WWOX: variants seen among roughly 807,000 people sequenced by gnomAD.
The protein encoded by WWOX is WW domain containing oxidoreductase.
Under a neutral mutation model 46.2 loss-of-function variants are expected in WWOX, and 69 were observed. The ratio of observed to expected loss-of-function variants is 1.49; its 90% CI spans 1.23 to 1.82. The LOEUF is 1.82. Among genes scored for constraint, WWOX ranks in the 40% most tolerant of loss-of-function variants. The probability of loss-of-function intolerance (pLI) is 0.00; values close to 1 mark genes in which losing one functional copy is unlikely to be tolerated. For missense variants in WWOX, 919 were observed against 542.6 expected (o/e 1.69, Z -6.89); for synonymous variants, 359 against 202.6 (o/e 1.77, Z -6.56).
At chr16:78,109,723 G>T in intron 2 of WWOX, 55 bp from the exon 3 acceptor site, 2 of 1,600,328 alleles carry the variant, frequency 1.2e-6, no homozygotes, top group Non-Finnish European at 1.7e-6. Flanking sequence ...TCCTGACCCA[G>T]GGATGGTCTT....
At chr16:78,801,974 C>G (rs942860855) in intron 8 of WWOX, among the ~76,000 whole-genome samples, 1 of 152,018 alleles carries the variant, frequency 6.6e-6, no homozygotes, top group African/African-American at 2.4e-5. Context: ...ATCTGCCTTG[C>G]AGAGAATTAA....
chr16:78,980,260 G>C (rs1258777246), intron 8 of WWOX, among the ~76,000 whole-genome samples: 1 of 152,170 alleles, frequency 6.6e-6, no homozygotes, highest in Non-Finnish European at 1.5e-5. Flanking sequence ...GGCTGTGTGA[G>C]CTCCATTTGA....
intron 8 of WWOX, among the ~76,000 whole-genome samples, chr16:79,052,450 A>G (rs1013833091): frequency 6.6e-6 from 1 of 152,240 alleles, no homozygotes. Context: ...CCAAAGGACT[A>G]TAAATCTTTC....
intron 8 of WWOX, among the ~76,000 whole-genome samples, chr16:78,997,633 G>A (rs1031986661): frequency 6.6e-6 from 1 of 152,008 alleles, no homozygotes; most frequent in African/African-American, 2.4e-5. Flanking sequence ...TGGTGAATTT[G>A]CACTAGTATT....
At chr16:78,983,617 C>G (rs971485734) in intron 8 of WWOX, among the ~76,000 whole-genome samples, 2 of 152,122 alleles carry the variant, frequency 1.3e-5, no homozygotes, top group South Asian at 2.1e-4. Context: ...TCTAGACTCT[C>G]CTGGTGTTAG....
At chr16:78,426,121 A>T (rs1165202661) in intron 7 of WWOX, among the ~76,000 whole-genome samples, 1 of 152,188 alleles carries the variant, frequency 6.6e-6, no homozygotes, top group African/African-American at 2.4e-5. Flanking sequence ...GCCAGTAATA[A>T]TCCTCCCCCG....
At chr16:78,858,070 T>G (rs1161986297) in intron 8 of WWOX, among the ~76,000 whole-genome samples, 1 of 152,028 alleles carries the variant, frequency 6.6e-6, no homozygotes, top group Admixed American at 6.6e-5. Flanking sequence ...TTCCAAAGTT[T>G]TAAATACTCT....
At chr16:79,060,726 C>G (rs368009259) in intron 8 of WWOX, among the ~76,000 whole-genome samples, 26 of 152,340 alleles carry the variant, frequency 1.7e-4, no homozygotes, top group Admixed American at 7.8e-4. Flanking sequence ...GCCATTGTCA[C>G]TGTATGGAGA....
intron 8 of WWOX, among the ~76,000 whole-genome samples, chr16:78,433,812 C>T (rs1486056924): frequency 2.1e-5 from 2 of 96,268 alleles, no homozygotes; most frequent in East Asian, 3.5e-4. Context: ...TTTTTTGAGA[C>T]GGAGTCTCGC....
rs376138617 is a variant in WWOX at position 78,679,555 on chromosome 16, C to T, written c.1056+246803C>T. Among the ~76,000 whole-genome samples the T allele has an allele frequency of 2.0e-5, 3 of 151,926 alleles. No homozygotes were observed. The South Asian group carries it at 6.2e-4, about 32-fold the overall frequency. On this transcript the variant is annotated intron_variant, in intron 8 of 8. Transcript: ENST00000566780. ...GACAGAGTGAGACTCCATCTCAAAACATAAGTAAATAAATAAAAAATAAAT... is the reference window on the plus strand; with the variant it reads ...GACAGAGTGAGACTCCATCTCAAAATATAAGTAAATAAATAAAAAATAAAT...
intron 8 of WWOX, among the ~76,000 whole-genome samples, chr16:78,790,013 A>G (rs370786892): frequency 7.3e-4 from 111 of 152,300 alleles, no homozygotes; most frequent in African/African-American, 2.5e-3. Flanking sequence ...TTCTTTCCTT[A>G]TTGGACACTC....
rs575725257 is a variant in WWOX at position 78,588,315 on chromosome 16, C to T, written c.1056+155563C>T. ...GTTTTGGGTGCGGATAATGGATAAT[C>T]TGGCTATTGCATTTAATTCCCAGCC... On this transcript the variant is annotated intron_variant, in intron 8 of 8. Transcript: ENST00000566780. 1.1e-4 allele frequency among the ~76,000 whole-genome samples: 16 copies of T among 152,278 alleles called. No individual in the cohort carries two copies. The South Asian group carries it at 3.3e-3, about 32-fold the overall frequency.
intron 8 of WWOX, among the ~76,000 whole-genome samples, chr16:78,695,252 A>G (rs1035322772): frequency 6.6e-6 from 1 of 152,094 alleles, no homozygotes; most frequent in African/African-American, 2.4e-5. Context: ...TATTGTGTTT[A>G]CATCCACAGG....
At chr16:78,654,376 T>C (rs1436935246) in intron 8 of WWOX, among the ~76,000 whole-genome samples, 3 of 152,220 alleles carry the variant, frequency 2.0e-5, no homozygotes, top group Non-Finnish European at 2.9e-5. Flanking sequence ...ACACCAGCGG[T>C]ATTTATGGTA....
chr16:78,442,823 G>T (rs2083473816), intron 8 of WWOX, among the ~76,000 whole-genome samples: 1 of 151,528 alleles, frequency 6.6e-6, no homozygotes, highest in South Asian at 2.1e-4. Flanking sequence ...CTACTAAAAA[G>T]ATACAAAAAA....
intron 8 of WWOX, among the ~76,000 whole-genome samples, chr16:78,522,821 C>T (rs56077137): frequency 2.0e-5 from 3 of 152,164 alleles, no homozygotes; most frequent in East Asian, 1.9e-4. Context: ...CCTGTAATCA[C>T]GGCACTTTGG....
chr16:78,763,668 T>TATTA (rs1342728824), intron 8 of WWOX, among the ~76,000 whole-genome samples: 1 of 152,194 alleles, frequency 6.6e-6, no homozygotes, highest in Non-Finnish European at 1.5e-5. Flanking sequence ...GCCCTGAACA[T>TATTA]ATTAGGTACT....
At chr16:78,605,131 CT>C (rs547043320) in intron 8 of WWOX, among the ~76,000 whole-genome samples, 4 of 149,034 alleles carry the variant, frequency 2.7e-5, no homozygotes, top group East Asian at 2.0e-4. Flanking sequence ...GCCTGGCTAG[CT>C]TTTTTTTTCT....
At chr16:79,180,301 G>A (rs183138121) in intron 8 of WWOX, among the ~76,000 whole-genome samples, 1 of 152,322 alleles carries the variant, frequency 6.6e-6, no homozygotes, top group Non-Finnish European at 1.5e-5. Flanking sequence ...TGCACAAGGT[G>A]GAAGGTCACG....
Sources: gnomAD v4.1 joint callset for allele counts (sites outside exome capture counted in the v4.1 genomes callset) on GRCh38, gnomAD v4.1.1 for gene constraint, MANE v1.5 for transcripts, NCBI Gene and HGNC (gene_info 2026-07-23, HGNC 2026-07-21) for gene names.